GRID2: variants seen among roughly 807,000 people sequenced by gnomAD.
GRID2 encodes the protein glutamate ionotropic receptor delta type subunit 2, also known as glutamate receptor ionotropic, delta-2.
Under a neutral mutation model 114.8 loss-of-function variants are expected in GRID2, and 33 were observed. That is an observed-to-expected ratio of 0.29 (90% CI 0.22 to 0.38). GRID2 has a LOEUF of 0.38. Among genes scored for constraint, GRID2 ranks in the 10% least tolerant of loss-of-function variants. The pLI, the probability that GRID2 is intolerant of heterozygous loss-of-function variation, is 1.00. For synonymous variants in GRID2, 505 were observed against 449.9 expected (o/e 1.12, Z -1.55); for missense variants, 1,184 against 1,257.7 (o/e 0.94, Z 0.89).
At chr4:92,377,623 T>G (rs1172456339) in intron 1 of GRID2, among the ~76,000 whole-genome samples, 1 of 152,136 alleles carries the variant, frequency 6.6e-6, no homozygotes, top group Non-Finnish European at 1.5e-5. Context: ...GATAAAGACA[T>G]ACCTGAGAAT....
At chr4:93,689,948 A>G (rs1002966629) in intron 14 of GRID2, among the ~76,000 whole-genome samples, 2 of 152,084 alleles carry the variant, frequency 1.3e-5, no homozygotes, top group African/African-American at 2.4e-5. Context: ...AAAAACAATC[A>G]TCTAATATCC....
At chr4:92,719,440 T>C (rs1735707561) in intron 2 of GRID2, among the ~76,000 whole-genome samples, 1 of 152,218 alleles carries the variant, frequency 6.6e-6, no homozygotes, top group Admixed American at 6.5e-5. Context: ...CTACAATGGT[T>C]TAATTAATGA....
downstream of GRID2, among the ~76,000 whole-genome samples, chr4:93,776,185 A>G (rs577000485): frequency 1.3e-5 from 2 of 152,316 alleles, no homozygotes; most frequent in South Asian, 4.1e-4. Context: ...GCTTCCTTCC[A>G]GAGTACTTTT....
At chr4:92,542,217 A>T (rs530623245) in intron 1 of GRID2, among the ~76,000 whole-genome samples, 151 of 152,170 alleles carry the variant, frequency 9.9e-4, no homozygotes, top group African/African-American at 3.3e-3. Flanking sequence ...GGAGATGAAG[A>T]TGGGAGGATC....
chr4:93,420,304 G>A (rs1014035089), intron 9 of GRID2, among the ~76,000 whole-genome samples: 2 of 152,054 alleles, frequency 1.3e-5, no homozygotes, highest in Non-Finnish European at 2.9e-5. Context: ...CTGTGAATTT[G>A]ATCTTTATTT....
intron 14 of GRID2, among the ~76,000 whole-genome samples, chr4:93,695,035 G>T (rs1726891202): frequency 6.6e-6 from 1 of 152,042 alleles, no homozygotes; most frequent in East Asian, 1.9e-4. Flanking sequence ...GCCCGGCATG[G>T]TGGCGGGCGC....
intron 4 of GRID2, among the ~76,000 whole-genome samples, chr4:93,132,579 T>C (rs1216241532): frequency 1.3e-5 from 2 of 152,218 alleles, no homozygotes; most frequent in African/African-American, 4.8e-5. Context: ...TTGGCTTACC[T>C]GATATCTCTT....
intron 10 of GRID2, among the ~76,000 whole-genome samples, chr4:93,433,767 C>T (rs75956516): frequency 0.044 from 6,658 of 152,220 alleles, 192 homozygotes; most frequent in Middle Eastern, 0.18. Context: ...TCCTTTAATT[C>T]GTTAGGTATT....
chr4:92,440,739 G>A (rs888352797), intron 1 of GRID2, among the ~76,000 whole-genome samples: 19 of 152,194 alleles, frequency 1.2e-4, no homozygotes, highest in Middle Eastern at 3.4e-3. Flanking sequence ...CGTGATCAGG[G>A]TGAGGAACAG....
At chr4:93,385,664 A>C (rs1394758588) in intron 8 of GRID2, among the ~76,000 whole-genome samples, 1 of 152,102 alleles carries the variant, frequency 6.6e-6, no homozygotes, top group African/African-American at 2.4e-5. Flanking sequence ...ATCCTTACTA[A>C]TAATAATACT....
chr4:93,803,518 T>C (rs1347782458), intron 1 of GRID2, among the ~76,000 whole-genome samples: 1 of 152,068 alleles, frequency 6.6e-6, no homozygotes, highest in Non-Finnish European at 1.5e-5. Flanking sequence ...GGTCAGGAGT[T>C]CGAGACCAAC....
chr4:93,175,354 A>G (rs1373159535), intron 4 of GRID2, among the ~76,000 whole-genome samples: 1 of 152,062 alleles, frequency 6.6e-6, no homozygotes, highest in Admixed American at 6.6e-5. Flanking sequence ...TATTTTTAGT[A>G]CAGACGAGGT....
At chr4:93,782,931 C>T (rs916012356) in intron 1 of GRID2, among the ~76,000 whole-genome samples, 5 of 151,436 alleles carry the variant, frequency 3.3e-5, no homozygotes, top group Admixed American at 1.3e-4. Context: ...ACAAACTAAT[C>T]TATCTTATAA....
intron 2 of GRID2, among the ~76,000 whole-genome samples, chr4:92,726,914 C>T (rs945460314): frequency 2.0e-5 from 3 of 151,894 alleles, no homozygotes; most frequent in Admixed American, 6.6e-5. Context: ...AAAAAATGGT[C>T]ATCATAAATT....
chr4:93,559,583 A>G (rs551057001), intron 13 of GRID2, among the ~76,000 whole-genome samples: 25 of 152,286 alleles, frequency 1.6e-4, no homozygotes, highest in African/African-American at 5.5e-4. Flanking sequence ...GAAACAACAG[A>G]TGCGGGAGAG....
intron 4 of GRID2, among the ~76,000 whole-genome samples, chr4:93,159,693 ATTTT>A (rs34480915): frequency 4.6e-5 from 6 of 131,092 alleles, no homozygotes; most frequent in African/African-American, 1.7e-4. Flanking sequence ...TTCCATCTGC[ATTTT>A]TTTTTTTTTT....
intron 2 of GRID2, among the ~76,000 whole-genome samples, chr4:92,844,218 T>G (rs2149413688): frequency 6.6e-6 from 1 of 152,132 alleles, no homozygotes; most frequent in Admixed American, 6.6e-5. Flanking sequence ...AAATCTAGAT[T>G]ACTAGTTTTT....
At chr4:93,614,235 T>C (rs13111971) in intron 13 of GRID2, among the ~76,000 whole-genome samples, 3,683 of 152,288 alleles carry the variant, frequency 0.024, 64 homozygotes, top group East Asian at 0.066. Context: ...GGGATGAACC[T>C]GGTACCTCAG....
chr4:93,751,920 C>T (rs1732353989), intron 14 of GRID2, among the ~76,000 whole-genome samples: 1 of 152,042 alleles, frequency 6.6e-6, no homozygotes, highest in Non-Finnish European at 1.5e-5. Flanking sequence ...CCCAATACTG[C>T]ATGCTATGAT....
Sources: allele counts gnomAD v4.1 joint callset (sites outside exome capture counted in the v4.1 genomes callset), GRCh38; gene constraint gnomAD v4.1.1; transcripts MANE v1.5; gene names NCBI Gene and HGNC (gene_info 2026-07-23, HGNC 2026-07-21).